Variants in REL observed in about 807,000 individuals in gnomAD.
REL encodes the protein proto-oncogene c-Rel.
A neutral mutation model predicts 45.9 loss-of-function variants in REL; 15 were observed. The ratio of observed to expected loss-of-function variants is 0.33; its 90% CI spans 0.22 to 0.50. REL has a LOEUF of 0.50. REL is among the 20% of genes least tolerant of loss of function. The pLI is 0.98. For synonymous variants in REL, 239 were observed against 242.1 expected, an observed-to-expected ratio of 0.99 and a Z score of 0.12; for missense variants, 601 against 715.2, an observed-to-expected ratio of 0.84 and a Z score of 1.82.
chr2:60,919,594 T>G (rs1674078791), intron 7 of REL, among the ~76,000 whole-genome samples: 1 of 151,790 alleles, frequency 6.6e-6, no homozygotes, highest in Non-Finnish European at 1.5e-5. Context: ...CCCGACTCAT[T>G]TTGTATTTTT....
rs564179203 is a variant in REL at position 60,917,711 on chromosome 2, TGTGTAC to T, written c.536-475_536-470del. On this transcript the variant is annotated intron_variant, in intron 5 of 9. Transcript: ENST00000394479. ...GTGTGTGTGTGTGTGTGTGTGTGTGTGTGTACGTGTGTGTGTGTGTACATAGACTTA... is the reference window on the plus strand; with the variant it reads ...GTGTGTGTGTGTGTGTGTGTGTGTGTGTGTGTGTGTGTGTACATAGACTTA... Among the ~76,000 whole-genome samples the T allele has an allele frequency of 6.3e-3, 948 of 149,730 alleles. 14 individuals carry two copies. Among genetic ancestry groups the T allele is most frequent in the African/African-American group, 0.022 (888 of 40,098 alleles).
At chr2:60,881,987 A>C (rs1387579498) in intron 1 of REL, 137 bp downstream of exon 1, 7 of 581,224 alleles carry the variant, frequency 1.2e-5, no homozygotes, top group Non-Finnish European at 1.7e-5. Context: ...TAAAATTGTC[A>C]GCTTTTAAAA....
intron 1 of REL, among the ~76,000 whole-genome samples, chr2:60,884,099 C>CAA (rs199826692): frequency 6.0e-5 from 4 of 66,710 alleles, no homozygotes; most frequent in African/African-American, 1.2e-4. Flanking sequence ...GAAGAGTGAC[C>CAA]AAAAAAAAAA....
rs1031954131 is a variant in REL at position 60,881,792 on chromosome 2, C to T, written c.-49C>T. On this transcript the variant is annotated 5_prime_UTR_variant, in exon 1 of 10. Coordinates refer to ENST00000394479, the MANE Select transcript of REL (RefSeq NM_001291746.2). Reference sequence around the variant, plus strand: ...CTGACTGACTGACTGCGGCCGCCTCCGGCCAGGACGCTGGGAGCTGCCTGC... The same window carrying T: ...CTGACTGACTGACTGCGGCCGCCTCTGGCCAGGACGCTGGGAGCTGCCTGC... The T allele has an allele frequency of 2.0e-6, 3 of 1,526,178 alleles. No individual in the cohort carries two copies. The highest frequency in any genetic ancestry group is 2.0e-5 in the Admixed American group (1 of 49,990). 94.5% of individuals were successfully genotyped at this position (1,526,178 alleles called of 1,614,324 possible). A position where few individuals can be genotyped will look rare whatever the true frequency, so the allele number is the denominator to read the frequency against.
At chr2:60,917,979 T>C (rs947895802) in intron 5 of REL, among the ~76,000 whole-genome samples, 5 of 152,096 alleles carry the variant, frequency 3.3e-5, no homozygotes, top group African/African-American at 1.2e-4. Flanking sequence ...TTAGAGAATA[T>C]GTCATTACCT....
At chr2:60,882,067 C>T (rs1672955056) in intron 1 of REL, among the ~76,000 whole-genome samples, 1 of 152,298 alleles carries the variant, frequency 6.6e-6, no homozygotes. Flanking sequence ...GTTGTCATAG[C>T]AGGAACCTTA....
intron 4 of REL, among the ~76,000 whole-genome samples, chr2:60,903,956 T>G (rs1040449686): frequency 6.6e-6 from 1 of 152,048 alleles, no homozygotes; most frequent in Non-Finnish European, 1.5e-5. Context: ...TGTGAGCCAC[T>G]GGGCCCGACT....
In REL at chr2:60,924,639, CAT is replaced by C. The variant is rs1674227022; in HGVS notation, c.*2105_*2106del. 4.7e-6 allele frequency: 1 copy of C among 213,156 alleles called. No individual in the cohort carries two copies. Among genetic ancestry groups the C allele is most frequent in the African/African-American group, 2.3e-5 (1 of 44,208 alleles). 13.2% of individuals were successfully genotyped at this position (213,156 alleles called of 1,614,324 possible). A position where few individuals can be genotyped will look rare whatever the true frequency, so the allele number is the denominator to read the frequency against. ...AAAAGAGATTTTATTGAAGGTAAAA[CAT>C]TAGAGGTTCATTGAGAATCTCTAAA... On this transcript the variant is annotated 3_prime_UTR_variant, in exon 10 of 10. Coordinates refer to ENST00000394479, the MANE Select transcript of REL (RefSeq NM_001291746.2).
chr2:60,890,427 G>A (rs1434492748), intron 1 of REL, among the ~76,000 whole-genome samples: 1 of 152,164 alleles, frequency 6.6e-6, no homozygotes, highest in Middle Eastern at 3.4e-3. Context: ...GATTCTAAAG[G>A]CCTCTTCTCC....
chr2:60,920,857 A>G (rs1558820975), intron 9 of REL, among the ~76,000 whole-genome samples: 1 of 152,250 alleles, frequency 6.6e-6, no homozygotes, highest in East Asian at 1.9e-4. Context: ...AAGAAATTAC[A>G]TGTTGTTCAT....
At chr2:60,887,264 G>A (rs552261115) in intron 1 of REL, among the ~76,000 whole-genome samples, 127 of 152,214 alleles carry the variant, frequency 8.3e-4, no homozygotes, top group Non-Finnish European at 1.7e-3. Context: ...AATCAAAATA[G>A]GAATGAGTAT....
chr2:60,908,725 C>T (rs1467577063), intron 4 of REL, among the ~76,000 whole-genome samples: 1 of 152,052 alleles, frequency 6.6e-6, no homozygotes, highest in East Asian at 1.9e-4. Context: ...AAATTTTGTG[C>T]AATAAAATTG....
intron 4 of REL, among the ~76,000 whole-genome samples, 188 bp from the exon 5 acceptor site, chr2:60,916,688 AC>A (rs1247451841): frequency 6.6e-6 from 1 of 152,186 alleles, no homozygotes; most frequent in African/African-American, 2.4e-5. Flanking sequence ...TTTATCAAAT[AC>A]TGTTAGATAG....
chr2:60,922,479 A>G lies in REL; in HGVS notation c.1708A>G (p.Ser570Gly), dbSNP rs1674171574. ...VQDSQYSGIG[S>G]MQNEQLSDSF... is the part of the protein sequence containing the mutation. ...AGATAGTCAGTATTCAGGTATTGGC[A>G]GTATGCAAAATGAGCAATTGAGTGA... Residue 570 changes from serine to glycine, a missense_variant, in exon 10 of 10, where the codon AGT (serine) becomes GGT (glycine). Physicochemically the swap from Ser to Gly is moderately conservative, Grantham distance 56. This residue lies in a region of REL where 334 missense variants were observed against 333.1 expected (regional missense o/e 1.00). Coordinates refer to ENST00000394479, the MANE Select transcript of REL (RefSeq NM_001291746.2). 2 of 1,612,348 alleles carry G rather than the reference A, an allele frequency of 1.2e-6. No homozygotes were observed. The highest frequency in any genetic ancestry group is 2.2e-5 in the East Asian group (1 of 44,874).
chr2:60,906,076 A>G (rs776513753), intron 4 of REL, among the ~76,000 whole-genome samples: 8 of 152,184 alleles, frequency 5.3e-5, no homozygotes, highest in Admixed American at 1.3e-4. Flanking sequence ...AGCAAGAGAA[A>G]ATGAGGAAAA....
chr2:60,883,249 A>T (rs1229615339), intron 1 of REL, among the ~76,000 whole-genome samples: 2 of 152,180 alleles, frequency 1.3e-5, no homozygotes, highest in African/African-American at 2.4e-5. Context: ...AGAGATGAGG[A>T]AGTAGGAAGC....
At chr2:60,892,628 C>G (rs1243857086) in intron 2 of REL, among the ~76,000 whole-genome samples, 1 of 151,880 alleles carries the variant, frequency 6.6e-6, no homozygotes, top group Non-Finnish European at 1.5e-5. Flanking sequence ...CGGGGTTTCA[C>G]CATGTTGGCC....
rs12477512 is a variant in REL, at chr2:60,885,099, G to A, written c.10+3249G>A. Among the ~76,000 whole-genome samples, 1,230 of 152,238 alleles carry A rather than the reference G, an allele frequency of 8.1e-3. 26 individuals are homozygous for A. Among genetic ancestry groups the A allele is most frequent in the Admixed American group, 0.034 (513 of 15,282 alleles). Reference sequence around the variant, plus strand: ...GGGAATGAGTTAATGTAATGACTAGGGAGGAGCCAGACAATGAATCATAAT... The same window carrying A: ...GGGAATGAGTTAATGTAATGACTAGAGAGGAGCCAGACAATGAATCATAAT... On this transcript the variant is annotated intron_variant, in intron 1 of 9. Transcript: ENST00000394479.
intron 7 of REL, 81 bp downstream of exon 7, chr2:60,918,687 G>A (rs1674050804): frequency 2.1e-6 from 2 of 930,434 alleles, no homozygotes; most frequent in South Asian, 1.4e-5. Flanking sequence ...ATTCATTTGA[G>A]TACAGTTATG....
Sources: allele counts gnomAD v4.1 joint callset (sites outside exome capture counted in the v4.1 genomes callset), GRCh38; gene constraint gnomAD v4.1.1; regional missense constraint gnomAD v4.1.1; transcripts MANE v1.5; gene names NCBI Gene and HGNC (gene_info 2026-07-23, HGNC 2026-07-21).